Variants in SNX13 observed in about 807,000 individuals in gnomAD.
The protein encoded by SNX13 is sorting nexin 13, also known as sorting nexin-13.
In SNX13, 45 loss-of-function variants were observed where a neutral mutation model predicts 133.6. The ratio of observed to expected loss-of-function variants is 0.34; its 90% CI spans 0.27 to 0.43. The LOEUF (loss-of-function observed/expected upper bound fraction) is 0.43, where lower values mean the gene tolerates loss of function less well. Among genes scored for constraint, SNX13 ranks in the 20% least tolerant of loss-of-function variants. The pLI is 1.00. For synonymous variants in SNX13, 414 were observed against 373.9 expected, an observed-to-expected ratio of 1.11 and a Z score of -1.24; for missense variants, 1,032 against 1,145.1, an observed-to-expected ratio of 0.90 and a Z score of 1.43.
chr7:17,898,750 C>T (rs1227444921), intron 1 of SNX13: 3 of 152,116 alleles, frequency 2.0e-5, no homozygotes, highest in Non-Finnish European at 4.4e-5. Flanking sequence ...AACAGAAATC[C>T]TGGATAAGAT....
chr7:17,882,857 T>A (rs1222031105), intron 5 of SNX13: 2 of 1,286,730 alleles, frequency 1.6e-6, no homozygotes, highest in South Asian at 2.5e-5. Flanking sequence ...CAAGGTTTTG[T>A]TAAACAAAAC....
chr7:17,804,032 T>C (rs1562659343), intron 20 of SNX13, among the ~76,000 whole-genome samples: 1 of 151,914 alleles, frequency 6.6e-6, no homozygotes, highest in Non-Finnish European at 1.5e-5. Flanking sequence ...ACTCCATACA[T>C]TCCAGCCTGG....
At chr7:17,904,809 T>C (rs548218711) in intron 1 of SNX13, among the ~76,000 whole-genome samples, 2 of 152,322 alleles carry the variant, frequency 1.3e-5, no homozygotes, top group East Asian at 1.9e-4. Flanking sequence ...CAGACTGTTT[T>C]CCTCCCACGT....
chr7:17,928,055 T>G (rs1331235289), intron 1 of SNX13, among the ~76,000 whole-genome samples: 2 of 152,236 alleles, frequency 1.3e-5, no homozygotes, highest in Non-Finnish European at 2.9e-5. Flanking sequence ...TCTGCTTTTC[T>G]CCATAATACA....
intron 18 of SNX13, among the ~76,000 whole-genome samples, chr7:17,820,257 T>C (rs1265996044): frequency 2.6e-5 from 4 of 152,272 alleles, no homozygotes; most frequent in Admixed American, 1.3e-4. Flanking sequence ...TGCAAATAAA[T>C]AGAACTCTTA....
intron 22 of SNX13, among the ~76,000 whole-genome samples, chr7:17,801,122 G>A (rs923542137): frequency 1.4e-4 from 21 of 146,780 alleles, no homozygotes; most frequent in South Asian, 8.5e-4. Flanking sequence ...AGACATGTAC[G>A]AATGTTCATA....
At chr7:17,835,545 G>C (rs1024340667) in intron 13 of SNX13, among the ~76,000 whole-genome samples, 1 of 151,792 alleles carries the variant, frequency 6.6e-6, no homozygotes, top group South Asian at 2.1e-4. Flanking sequence ...TTTATTAAAA[G>C]AAAAAATGCT....
At chr7:17,890,259 A>G (rs1583643372) in intron 5 of SNX13, 104 bp downstream of exon 5, 1 of 1,109,570 alleles carries the variant, frequency 9.0e-7, no homozygotes, top group Non-Finnish European at 1.2e-6. Flanking sequence ...CTGCTGTTCT[A>G]CTTACCTTTT....
chr7:17,915,779 GTTAAT>G (rs1245255334), intron 1 of SNX13, among the ~76,000 whole-genome samples: 2 of 152,158 alleles, frequency 1.3e-5, no homozygotes, highest in Non-Finnish European at 2.9e-5. Context: ...AAATCCTTAA[GTTAAT>G]TTGACACTTG....
chr7:17,798,460 C>G (rs1784286623), intron 24 of SNX13, among the ~76,000 whole-genome samples: 1 of 151,846 alleles, frequency 6.6e-6, no homozygotes, highest in African/African-American at 2.4e-5. Flanking sequence ...TGTAGCCTAT[C>G]ATTTGAAAGA....
At position 17,816,052 on chromosome 7, in the gene SNX13, C is replaced by T. The variant is rs1310699377; in HGVS notation, c.1953+130G>A. Reference sequence around the variant, plus strand: ...CAGACTGCACGTCACATTTGACATGCTGCACAAAAGTGGTTGCTACCCTGT... The same window carrying T: ...CAGACTGCACGTCACATTTGACATGTTGCACAAAAGTGGTTGCTACCCTGT... On this transcript the variant is annotated intron_variant, in intron 19 of 25. Transcript: ENST00000428135. 6 of 933,234 alleles carry T rather than the reference C, an allele frequency of 6.4e-6. No homozygotes were observed. The East Asian group carries it at 1.8e-4, about 27-fold the overall frequency. The allele number at this position is 933,234 out of a possible 1,614,324, so 57.8% of individuals were successfully genotyped here. A position where few individuals can be genotyped will look rare whatever the true frequency, so the allele number is the denominator to read the frequency against.
At chr7:17,837,365 C>G (rs1789259417) in intron 13 of SNX13, among the ~76,000 whole-genome samples, 1 of 151,950 alleles carries the variant, frequency 6.6e-6, no homozygotes, top group Non-Finnish European at 1.5e-5. Flanking sequence ...GTCTCAAACT[C>G]CTGGCCTCAA....
chr7:17,940,156 G>T, intron 1 of SNX13, 128 bp downstream of exon 1: 2 of 1,251,874 alleles, frequency 1.6e-6, no homozygotes, highest in South Asian at 1.3e-5. Context: ...GATCCCCGCT[G>T]CTCCTCGGGC....
intron 1 of SNX13, among the ~76,000 whole-genome samples, chr7:17,929,120 G>A (rs540293927): frequency 6.6e-6 from 1 of 151,940 alleles, no homozygotes; most frequent in Non-Finnish European, 1.5e-5. Context: ...CAGGCCTGTA[G>A]ACACAGAGAA....
intron 1 of SNX13, among the ~76,000 whole-genome samples, chr7:17,903,252 T>G (rs1361881035): frequency 2.6e-5 from 4 of 152,192 alleles, no homozygotes; most frequent in Non-Finnish European, 4.4e-5. Context: ...CCAGTGTGTC[T>G]GGGATAGGGC....
At chr7:17,830,160 G>C in intron 15 of SNX13, 113 bp from the exon 16 acceptor site, 47 of 147,538 alleles carry the variant, frequency 3.2e-4, no homozygotes, top group East Asian at 1.6e-3. Context: ...TAACATAATA[G>C]TAAAAAAAAA....
rs184956102 is a variant in SNX13 at position 17,871,056 on chromosome 7, A to G, written c.753+2472T>C. On this transcript the variant is annotated intron_variant, in intron 8 of 25. Transcript: ENST00000428135. ...AGTCTGGCTCTGTCGCCCAGGCTGG[A>G]GTGCAGTGGCGCGATCTCAGCTCAC... is the stretch of plus-strand genomic sequence containing the variant. 5.7e-3 allele frequency among the ~76,000 whole-genome samples: 856 copies of G among 149,924 alleles called. 3 individuals are homozygous for G. Among genetic ancestry groups the G allele is most frequent in the Non-Finnish European group, 8.7e-3 (585 of 67,620 alleles).
At chr7:17,853,826 C>T (rs1791538935) in intron 9 of SNX13, among the ~76,000 whole-genome samples, 1 of 152,116 alleles carries the variant, frequency 6.6e-6, no homozygotes, top group South Asian at 2.1e-4. Context: ...CCTGTAATCC[C>T]AGCTACTTGG....
intron 9 of SNX13, 87 bp downstream of exon 9, chr7:17,868,320 A>G (rs1430111540): frequency 1.0e-5 from 9 of 865,366 alleles, no homozygotes; most frequent in Non-Finnish European, 1.6e-5. Context: ...TTAATAAATT[A>G]CTGCTTAAAC....
Sources: allele counts gnomAD v4.1 joint callset (sites outside exome capture counted in the v4.1 genomes callset), GRCh38; gene constraint gnomAD v4.1.1; transcripts MANE v1.5; gene names NCBI Gene and HGNC (gene_info 2026-07-23, HGNC 2026-07-21).